The following USE1 variants were observed in gnomAD, a reference collection of about 807,000 sequenced individuals.
USE1 encodes unconventional SNARE in the ER 1, also known as vesicle transport protein USE1.
A neutral mutation model predicts 37.6 loss-of-function variants in USE1; 32 were observed. The observed-to-expected ratio is 0.85, with a 90% confidence interval of 0.64 to 1.14. USE1 has a LOEUF of 1.14. Ranked by LOEUF, USE1 falls within the 50% of genes most tolerant of loss-of-function variation. The pLI is 0.00. For synonymous variants in USE1, 149 were observed against 137.6 expected (o/e 1.08, Z -0.58); for missense variants, 310 against 332.2 (o/e 0.93, Z 0.52).
chr19:17,217,911 CAA>C (rs879400556), intron 5 of USE1: 1,129 of 248,984 alleles, frequency 4.5e-3, no homozygotes, highest in South Asian at 6.9e-3. Flanking sequence ...GACTCCGTCT[CAA>C]AAAAAAAAAA....
At position 17,219,627 on chromosome 19, in the gene USE1, A is replaced by G; in HGVS notation, c.598-4A>G. The G allele has an allele frequency of 6.3e-7, 1 of 1,595,766 alleles. No homozygotes were observed. The highest frequency in any genetic ancestry group is 8.6e-7 in the Non-Finnish European group (1 of 1,167,182). On this transcript the variant is annotated splice_region_variant and splice_polypyrimidine_tract_variant and intron_variant, in intron 7 of 7. Transcript: ENST00000263897. ...TGTTGACACCTTTTCCACCTCCCCCACAGACCCTGTCACACTCACTGAAAA... is the reference window on the plus strand; with the variant it reads ...TGTTGACACCTTTTCCACCTCCCCCGCAGACCCTGTCACACTCACTGAAAA...
intron 5 of USE1, 21 bp downstream of exon 5, chr19:17,217,483 C>T: frequency 6.2e-7 from 1 of 1,610,850 alleles, no homozygotes; most frequent in South Asian, 1.1e-5. Context: ...ATGAACACAA[C>T]AGGACTTGAG....
chr19:17,217,412 G>A, intron 4 of USE1, 41 bp from the exon 5 acceptor site: 2 of 1,606,772 alleles, frequency 1.2e-6, no homozygotes. Context: ...CTGGGAGTGA[G>A]CCACTGCACC....
chr19:17,219,220 G>T lies in USE1; in HGVS notation c.430G>T (p.Ala144Ser). 6.2e-7 allele frequency: 1 copy of T among 1,611,818 alleles called. No individual in the cohort carries two copies. Among genetic ancestry groups the T allele is most frequent in the Non-Finnish European group, 8.5e-7 (1 of 1,178,352 alleles). The change falls in exon 7 of 8, where the codon GCA (alanine) becomes TCA (serine). Residue 144 changes from alanine to serine, a missense_variant. Transcript: ENST00000263897. ...EMDVRKRTGVAGSQPVSEKQL... is the reference protein window; with the variant it reads ...EMDVRKRTGVSGSQPVSEKQL... ...CCCCGTGTGTGAAATCAGTGGAGTG[G>T]CAGGGTCCCAGCCAGTGAGTGAGAA...
intron 6 of USE1, chr19:17,218,694 G>C (rs2073305299): frequency 1.5e-5 from 4 of 271,260 alleles, no homozygotes; most frequent in Non-Finnish European, 2.8e-5. Context: ...GGGCATGGTG[G>C]CATGCGCCTG....
At chr19:17,218,588 G>C in intron 6 of USE1, 197 bp downstream of exon 6, 1 of 574,210 alleles carries the variant, frequency 1.7e-6, no homozygotes, top group Non-Finnish European at 2.9e-6. Flanking sequence ...TACTTTGGGA[G>C]GCTGAGGCAG....
At position 17,219,683 on chromosome 19, in the gene USE1, C is replaced by G. The variant is rs201057224; in HGVS notation, c.650C>G (p.Thr217Arg). The change falls in exon 8 of 8, where the codon ACG (threonine) becomes AGG (arginine). Residue 217 changes from threonine (T) to arginine (R), a missense_variant. Physicochemically the swap from Thr to Arg is moderately conservative, Grantham distance 71 (BLOSUM62 -1). Transcript: ENST00000263897. ...GACCAGAACCTGGAGAAACTGAAGA[C>G]GGAGTCAGAGCGTCTGGAGCAGCAC... is the stretch of plus-strand genomic sequence containing the variant. ...MADQNLEKLK[T>R]ESERLEQHTQ... is the part of the protein sequence containing the mutation. 2 of 1,612,164 alleles carry G rather than the reference C, an allele frequency of 1.2e-6. No homozygotes were observed. The highest frequency in any genetic ancestry group is 3.3e-5 in the Admixed American group (2 of 59,970).
intron 5 of USE1, 113 bp from the exon 6 acceptor site, chr19:17,218,251 G>C: frequency 6.8e-7 from 1 of 1,469,516 alleles, no homozygotes; most frequent in Non-Finnish European, 9.3e-7. Context: ...CGGGGCAGCA[G>C]ACAAGATGAG....
chr19:17,215,605 C>T, intron 1 of USE1, 98 bp downstream of exon 1: 13 of 1,447,666 alleles, frequency 9.0e-6, no homozygotes, highest in Non-Finnish European at 1.2e-5. Flanking sequence ...CCAGTAGCCT[C>T]TCGGGCAGCG....
chr19:17,218,158 G>C (rs1363913597), intron 5 of USE1: 7 of 601,082 alleles, frequency 1.2e-5, no homozygotes, highest in African/African-American at 1.9e-5. Context: ...GCTGGAGGGA[G>C]GGACCTGGGG....
Position 17,219,750 on chromosome 19 carries a change from T to C in USE1, c.717T>C (p.Ile239=), listed in dbSNP as rs2073313886. The C allele has an allele frequency of 1.2e-6, 2 of 1,612,608 alleles. No homozygotes were observed. Among genetic ancestry groups the C allele is most frequent in the Non-Finnish European group, 1.7e-6 (2 of 1,179,074 alleles). ...SVNWLLWAML[I]IVCFIFISMI... is the part of the protein sequence containing the mutation. ...ACTGGCTGCTCTGGGCCATGCTCATTATCGTCTGCTTCATCTTCATTAGCA... is the reference window on the plus strand; with the variant it reads ...ACTGGCTGCTCTGGGCCATGCTCATCATCGTCTGCTTCATCTTCATTAGCA... Residue 239 remains isoleucine (I), a synonymous_variant, in exon 8 of 8, where the codon ATT becomes ATC. Transcript: ENST00000263897.
In USE1 at chr19:17,216,303, G is replaced by A; in HGVS notation, c.366G>A (p.Arg122=). Residue 122 remains arginine, a synonymous_variant, in exon 4 of 8, where the codon CGG becomes CGA. Transcript: ENST00000263897. ...GGGCGCGGTACACCAGCGAGATGCG[G>A]AGTGAGCTACTAGGCACGGTAGGGC... ...QSRARYTSEM[R]SELLGTDSAE... The A allele has an allele frequency of 1.9e-6, 3 of 1,612,490 alleles. No homozygotes were observed. Among genetic ancestry groups the A allele is most frequent in the Non-Finnish European group, 2.5e-6 (3 of 1,179,496 alleles).
chr19:17,219,296 A>C lies in USE1; in HGVS notation c.506A>C (p.Gln169Pro). Reference sequence around the variant, plus strand: ...GTCCTGCAGCGACATCAGAACCTCCAGGAAAAGCTGGCGGAAGAGATGCTA... The same window carrying C: ...GTCCTGCAGCGACATCAGAACCTCCCGGAAAAGCTGGCGGAAGAGATGCTA... ...DLVLQRHQNL[Q>P]EKLAEEMLGL... Residue 169 changes from glutamine (Q) to proline (P), a missense_variant, in exon 7 of 8, where the codon CAG (glutamine) becomes CCG (proline). Gln to Pro is a moderately conservative substitution (Grantham distance 76, BLOSUM62 -1). Transcript: ENST00000263897. 2.5e-6 allele frequency: 4 copies of C among 1,613,414 alleles called. No individual in the cohort carries two copies. Among genetic ancestry groups the C allele is most frequent in the Non-Finnish European group, 3.4e-6 (4 of 1,179,706 alleles).
intron 4 of USE1, among the ~76,000 whole-genome samples, chr19:17,217,174 T>G (rs1179932755): frequency 6.7e-6 from 1 of 149,928 alleles, no homozygotes; most frequent in African/African-American, 2.5e-5. Flanking sequence ...TCGCTCTTGT[T>G]GCCCAGGCTA....
At chr19:17,219,499 AGGC>A in intron 7 of USE1, 112 bp downstream of exon 7, 1 of 1,437,394 alleles carries the variant, frequency 7.0e-7, no homozygotes, top group Non-Finnish European at 9.3e-7. Context: ...GTTTCGTAGA[AGGC>A]AAAAATGGCA....
intron 6 of USE1, chr19:17,218,642 A>G (rs1193271959): frequency 5.0e-6 from 2 of 397,488 alleles, no homozygotes; most frequent in East Asian, 9.3e-5. Flanking sequence ...TCTGGCCAAC[A>G]TGGCAAAACC....
intron 5 of USE1, 52 bp from the exon 6 acceptor site, chr19:17,218,312 G>A (rs570077875): frequency 2.0e-5 from 32 of 1,611,676 alleles, no homozygotes; most frequent in African/African-American, 5.3e-5. Context: ...TCAGGATGCC[G>A]GAAACGGGAA....
chr19:17,216,195 C>T lies in USE1; in HGVS notation c.258C>T (p.Ala86=), dbSNP rs1198879965. 6.2e-7 allele frequency: 1 copy of T among 1,612,802 alleles called. No homozygotes were observed. The highest frequency in any genetic ancestry group is 1.7e-5 in the Admixed American group (1 of 60,018). ...KLTSSSEKAL[A]NQFLAPGRVP... is the part of the protein sequence containing the mutation. ...CCTCCTCCTCAGAGAAAGCACTGGCCAACCAGTTCCTGGCCCCTGGCCGTG... is the reference window on the plus strand; with the variant it reads ...CCTCCTCCTCAGAGAAAGCACTGGCTAACCAGTTCCTGGCCCCTGGCCGTG... The change falls in exon 4 of 8, where the codon GCC becomes GCT. Residue 86 remains alanine (A), a synonymous_variant. Coordinates refer to ENST00000263897, the MANE Select transcript of USE1 (RefSeq NM_018467.4).
chr19:17,219,249 G>T lies in USE1; in HGVS notation c.459G>T (p.Gln153His), dbSNP rs955401687. ...GGTCCCAGCCAGTGAGTGAGAAGCA[G>T]TTGGCAGCTGAGCTAGACCTCGTCC... ...VAGSQPVSEK[Q>H]LAAELDLVLQ... Residue 153 changes from glutamine to histidine, a missense_variant, in exon 7 of 8, where the codon CAG (glutamine) becomes CAT (histidine). Physicochemically the swap from Gln to His is conservative, Grantham distance 24. Coordinates refer to ENST00000263897, the MANE Select transcript of USE1 (RefSeq NM_018467.4). 6.2e-7 allele frequency: 1 copy of T among 1,613,890 alleles called. No homozygotes were observed. The highest frequency in any genetic ancestry group is 1.3e-5 in the African/African-American group (1 of 75,032).
Sources: allele counts gnomAD v4.1 joint callset (sites outside exome capture counted in the v4.1 genomes callset), GRCh38; gene constraint gnomAD v4.1.1; transcripts MANE v1.5; gene names NCBI Gene and HGNC (gene_info 2026-07-23, HGNC 2026-07-21).